Variants in GPC3 observed in about 807,000 individuals in gnomAD.
GPC3 encodes the protein glypican 3.
GPC3 carries 3 observed loss-of-function variants against 34.4 expected under a neutral mutation model. The ratio of observed to expected loss-of-function variants is 0.09; its 90% CI spans 0.04 to 0.23. The LOEUF is 0.23. Ranked by LOEUF, GPC3 falls within the 10% of genes least tolerant of loss-of-function variation. The pLI, the probability that GPC3 is intolerant of heterozygous loss-of-function variation, is 1.00. For missense variants in GPC3, 351 were observed against 445.6 expected, an observed-to-expected ratio of 0.79 and a Z score of 1.91; for synonymous variants, 177 against 174.0, an observed-to-expected ratio of 1.02 and a Z score of -0.13.
chrX:133,957,495 G>T (rs1040954435), intron 1 of GPC3, among the ~76,000 whole-genome samples: 4 of 111,769 alleles, frequency 3.6e-5, no homozygotes, highest in African/African-American at 1.3e-4. Context: ...AAAACAGAAA[G>T]AACACAGAAA....
intron 2 of GPC3, among the ~76,000 whole-genome samples, chrX:133,835,985 TCAG>T (rs2124547453): frequency 8.9e-6 from 1 of 112,886 alleles, no homozygotes; most frequent in East Asian, 2.8e-4. Flanking sequence ...TCACAGCCCA[TCAG>T]TGGCGGAGCC....
intron 3 of GPC3, among the ~76,000 whole-genome samples, chrX:133,739,173 G>A (rs181870797): frequency 9.0e-6 from 1 of 111,128 alleles, no homozygotes; most frequent in Admixed American, 9.6e-5. Context: ...GCATCCACTG[G>A]GTGTCTTGGA....
intron 7 of GPC3, among the ~76,000 whole-genome samples, chrX:133,551,130 C>G (rs1182147222): frequency 1.9e-5 from 2 of 105,735 alleles, no homozygotes; most frequent in South Asian, 9.1e-4. Context: ...TCTGCCCCCC[C>G]CCACCCCACC....
At chrX:133,652,566 A>G (rs1328910544) in intron 6 of GPC3, among the ~76,000 whole-genome samples, 1 of 111,928 alleles carries the variant, frequency 8.9e-6, no homozygotes, top group African/African-American at 3.2e-5. Context: ...GCTACATAAA[A>G]TCACTGTGCT....
chrX:133,847,429 G>GCTTCTCAAC (rs2075851656), intron 2 of GPC3, among the ~76,000 whole-genome samples: 6 of 112,018 alleles, frequency 5.4e-5, no homozygotes, highest in Admixed American at 1.9e-4. Flanking sequence ...CTCAATTTCA[G>GCTTCTCAAC]GTCCCACTGC....
intron 2 of GPC3, among the ~76,000 whole-genome samples, chrX:133,854,096 A>G (rs1359820058): frequency 9.0e-6 from 1 of 111,224 alleles, no homozygotes; most frequent in African/African-American, 3.3e-5. Flanking sequence ...TTTCCTTTGT[A>G]GCCATTTGCT....
chrX:133,631,202 G>C (rs2070362515), intron 6 of GPC3, among the ~76,000 whole-genome samples: 1 of 111,625 alleles, frequency 9.0e-6, no homozygotes. Context: ...CCAATCTCCA[G>C]AACATTTTCA....
intron 2 of GPC3, chrX:133,763,316 T>C (rs1198876119): frequency 4.5e-5 from 25 of 560,827 alleles, no homozygotes; most frequent in South Asian, 1.1e-4. Flanking sequence ...GTGGGTTTGA[T>C]GTGGTGGATG....
chrX:133,833,658 A>T (rs2075787154), intron 2 of GPC3, among the ~76,000 whole-genome samples: 1 of 111,936 alleles, frequency 8.9e-6, no homozygotes, highest in African/African-American at 3.3e-5. Flanking sequence ...TAACGCATAT[A>T]ACAAAGGATG....
At chrX:133,650,016 G>A (rs1009448202) in intron 6 of GPC3, among the ~76,000 whole-genome samples, 2 of 111,929 alleles carry the variant, frequency 1.8e-5, no homozygotes, top group African/African-American at 6.5e-5. Context: ...GGTGTCTCAA[G>A]AAAGCTCAGT....
chrX:133,639,330 G>A (rs895614993), intron 6 of GPC3, among the ~76,000 whole-genome samples: 1 of 112,057 alleles, frequency 8.9e-6, no homozygotes, highest in Non-Finnish European at 1.9e-5. Context: ...GCCTTGTATT[G>A]TAATTATTTG....
At chrX:133,648,924 C>T in intron 6 of GPC3, among the ~76,000 whole-genome samples, 1 of 111,904 alleles carries the variant, frequency 8.9e-6, no homozygotes, top group East Asian at 2.8e-4. Context: ...AGAATTAATC[C>T]TTCTCTTCTC....
intron 3 of GPC3, among the ~76,000 whole-genome samples, chrX:133,714,342 A>T (rs1412895525): frequency 8.9e-6 from 1 of 112,053 alleles, no homozygotes; most frequent in East Asian, 2.8e-4. Flanking sequence ...TTTGGAAAGC[A>T]TATCTTGAAA....
At chrX:133,968,534 A>G (rs1200748544) in intron 1 of GPC3, among the ~76,000 whole-genome samples, 1 of 111,919 alleles carries the variant, frequency 8.9e-6, no homozygotes, top group African/African-American at 3.3e-5. Context: ...GGGGGAAACA[A>G]TGCTATCCAC....
chrX:133,748,866 A>G (rs147775965), intron 3 of GPC3, among the ~76,000 whole-genome samples: 137 of 111,926 alleles, frequency 1.2e-3, no homozygotes, highest in African/African-American at 4.4e-3. Context: ...AACTTAGGCC[A>G]TTCACTTCCA....
chrX:133,683,537 A>G (rs2070966988), intron 5 of GPC3, among the ~76,000 whole-genome samples: 2 of 112,077 alleles, frequency 1.8e-5, no homozygotes, highest in South Asian at 3.8e-4. Flanking sequence ...AAATGATCCA[A>G]CTGAGCTCAA....
chrX:133,820,564 A>G (rs1375081568), intron 2 of GPC3, among the ~76,000 whole-genome samples: 2 of 111,551 alleles, frequency 1.8e-5, no homozygotes. Context: ...TAGCACAATT[A>G]GAAGCTCAGG....
chrX:133,718,187 C>T (rs1160349274), intron 3 of GPC3, among the ~76,000 whole-genome samples: 6 of 111,832 alleles, frequency 5.4e-5, no homozygotes, highest in Admixed American at 3.8e-4. Context: ...CTCTTTTTTC[C>T]ACCTATCTGA....
chrX:133,536,059 G>T lies in GPC3; in HGVS notation c.*65C>A. 1.2e-6 allele frequency: 1 copy of T among 847,729 alleles called. No individual in the cohort carries two copies. Among genetic ancestry groups the T allele is most frequent in the Non-Finnish European group, 1.7e-6 (1 of 579,036 alleles). The allele number at this position is 847,729 out of a possible 1,213,427, so 69.9% of individuals were successfully genotyped here. A position where few individuals can be genotyped will look rare whatever the true frequency, so the allele number is the denominator to read the frequency against. ...AAAAAATAGAAAAAAATAAGAAAGT[G>T]GTTCCCTTTATCGAGGAAGACCACA... On this transcript the variant is annotated 3_prime_UTR_variant, in exon 8 of 8. Transcript: ENST00000370818.
Sources: allele counts gnomAD v4.1 joint callset (sites outside exome capture counted in the v4.1 genomes callset), GRCh38; gene constraint gnomAD v4.1.1; transcripts MANE v1.5; gene names NCBI Gene and HGNC (gene_info 2026-07-23, HGNC 2026-07-21).